Variants in CDKAL1 observed in about 807,000 individuals in gnomAD.
CDKAL1 encodes CDKAL1 threonylcarbamoyladenosine tRNA methylthiotransferase.
Under a neutral mutation model 68.2 loss-of-function variants are expected in CDKAL1, and 32 were observed. The observed-to-expected ratio is 0.47, with a 90% CI of 0.35 to 0.63. CDKAL1 has a LOEUF of 0.63. Among genes scored for constraint, CDKAL1 ranks in the 30% least tolerant of loss-of-function variants. The probability of loss-of-function intolerance (pLI) is 0.00; values close to 1 mark genes in which losing one functional copy is unlikely to be tolerated. For synonymous variants in CDKAL1, 234 were observed against 244.3 expected, an observed-to-expected ratio of 0.96 and a Z score of 0.39; for missense variants, 606 against 696.7, an observed-to-expected ratio of 0.87 and a Z score of 1.47.
intron 13 of CDKAL1, among the ~76,000 whole-genome samples, chr6:21,122,801 AG>A (rs1267733179): frequency 8.7e-6 from 1 of 114,342 alleles, no homozygotes; most frequent in African/African-American, 3.3e-5. Flanking sequence ...ATCCCCAGTT[AG>A]GTTTTTTTTT....
chr6:20,937,571 A>G (rs992042581), intron 9 of CDKAL1, among the ~76,000 whole-genome samples: 17 of 152,340 alleles, frequency 1.1e-4, no homozygotes, highest in Admixed American at 4.6e-4. Flanking sequence ...AAGTCTCCTC[A>G]GTCTCTTCAC....
At chr6:21,006,524 T>C (rs1767736489) in intron 11 of CDKAL1, among the ~76,000 whole-genome samples, 1 of 152,226 alleles carries the variant, frequency 6.6e-6, no homozygotes, top group Admixed American at 6.5e-5. Context: ...TTTTATCTTT[T>C]GCCAAATTTC....
chr6:20,738,838 T>C (rs1773316900), intron 5 of CDKAL1, among the ~76,000 whole-genome samples: 1 of 152,082 alleles, frequency 6.6e-6, no homozygotes, highest in African/African-American at 2.4e-5. Context: ...CACAACAGAG[T>C]GGGGATTTCA....
chr6:21,215,284 A>G (rs1429513512), intron 15 of CDKAL1, among the ~76,000 whole-genome samples: 1 of 152,216 alleles, frequency 6.6e-6, no homozygotes, highest in Non-Finnish European at 1.5e-5. Flanking sequence ...GCAAACAGAC[A>G]TGCACAAGTG....
chr6:20,827,240 A>G (rs1407883169), intron 8 of CDKAL1, among the ~76,000 whole-genome samples: 1 of 152,172 alleles, frequency 6.6e-6, no homozygotes, highest in Non-Finnish European at 1.5e-5. Flanking sequence ...AAATCACTTT[A>G]CCTTTCCATT....
At chr6:20,979,416 T>C (rs1236690483) in intron 10 of CDKAL1, among the ~76,000 whole-genome samples, 1 of 152,098 alleles carries the variant, frequency 6.6e-6, no homozygotes, top group Non-Finnish European at 1.5e-5. Flanking sequence ...GAAGTGATAA[T>C]TGAAGCATGG....
chr6:21,231,186 T>TC lies in CDKAL1; in HGVS notation c.*152dup, dbSNP rs1779961563. 1 of 540,994 alleles carries TC rather than the reference T, an allele frequency of 1.8e-6. No homozygotes were observed. The highest frequency in any genetic ancestry group is 3.3e-5 in the Admixed American group (1 of 30,204). 33.5% of individuals were successfully genotyped at this position (540,994 alleles called of 1,614,324 possible). On this transcript the variant is annotated 3_prime_UTR_variant, in exon 16 of 16. Coordinates refer to ENST00000274695, the MANE Select transcript of CDKAL1 (RefSeq NM_017774.3). ...TCTCAGCCACTCTTCTTAATGAGGCTCCCCCTGTCTCACATTGAGTTGGGC... is the reference window on the plus strand; with the variant it reads ...TCTCAGCCACTCTTCTTAATGAGGCTCCCCCCTGTCTCACATTGAGTTGGGC...
At position 20,753,957 on chromosome 6, in the gene CDKAL1, A is replaced by G. The variant is rs200300657; in HGVS notation, c.469-4638A>G. Among the ~76,000 whole-genome samples, 1,212 of 147,810 alleles carry G rather than the reference A, an allele frequency of 8.2e-3. 23 individuals are homozygous for G. Among genetic ancestry groups the G allele is most frequent in the East Asian group, 0.075 (372 of 4,938 alleles). On this transcript the variant is annotated intron_variant, in intron 6 of 15. Coordinates refer to ENST00000274695, the MANE Select transcript of CDKAL1 (RefSeq NM_017774.3). ...TTCACCAACACTCGTTATTATCTGT[A>G]TGTGTGTGTGTGTGTGTGTGTGTGT...
intron 8 of CDKAL1, among the ~76,000 whole-genome samples, chr6:20,795,486 T>A (rs1454108108): frequency 6.6e-6 from 1 of 152,164 alleles, no homozygotes; most frequent in Admixed American, 6.5e-5. Flanking sequence ...CTCAGATTAT[T>A]TTCTGCAGTG....
At chr6:20,931,570 C>T (rs566018029) in intron 9 of CDKAL1, among the ~76,000 whole-genome samples, 7 of 152,136 alleles carry the variant, frequency 4.6e-5, no homozygotes, top group Admixed American at 1.3e-4. Context: ...CATTTGTCTC[C>T]GTGGCATGTG....
chr6:21,073,478 C>G (rs1000913428), intron 12 of CDKAL1, among the ~76,000 whole-genome samples: 2 of 152,308 alleles, frequency 1.3e-5, no homozygotes, highest in African/African-American at 2.4e-5. Flanking sequence ...TCCTTTTGTT[C>G]CATATCCTTG....
intron 5 of CDKAL1, among the ~76,000 whole-genome samples, chr6:20,713,252 A>G (rs935151023): frequency 2.0e-5 from 3 of 152,240 alleles, no homozygotes; most frequent in Non-Finnish European, 2.9e-5. Context: ...TGAATTAATT[A>G]ATTTAGAAAA....
chr6:20,913,534 A>G (rs1018181520), intron 9 of CDKAL1, among the ~76,000 whole-genome samples: 1 of 152,178 alleles, frequency 6.6e-6, no homozygotes, highest in African/African-American at 2.4e-5. Context: ...TGTGGAAAAC[A>G]CACCCCACTT....
At chr6:21,146,837 C>T (rs989338397) in intron 13 of CDKAL1, among the ~76,000 whole-genome samples, 5 of 126,700 alleles carry the variant, frequency 3.9e-5, no homozygotes, top group East Asian at 2.1e-4. Context: ...GGCGACAGAG[C>T]GAGACTCCGT....
At chr6:20,677,359 C>T (rs1310530010) in intron 5 of CDKAL1, among the ~76,000 whole-genome samples, 2 of 152,020 alleles carry the variant, frequency 1.3e-5, no homozygotes, top group African/African-American at 2.4e-5. Flanking sequence ...CGTGAGCCAT[C>T]GTGCCTGGCT....
intron 13 of CDKAL1, among the ~76,000 whole-genome samples, chr6:21,146,617 G>A (rs62404507): frequency 3.3e-5 from 5 of 152,112 alleles, no homozygotes; most frequent in Admixed American, 1.3e-4. Context: ...TTCGGAGGCC[G>A]AGACGGGCGG....
intron 8 of CDKAL1, among the ~76,000 whole-genome samples, chr6:20,815,137 T>G (rs969447005): frequency 6.6e-6 from 1 of 152,220 alleles, no homozygotes; most frequent in African/African-American, 2.4e-5. Flanking sequence ...GTCACTTTAT[T>G]TTGGCCAGAA....
At chr6:20,637,060 G>GA (rs1226949854) in intron 4 of CDKAL1, among the ~76,000 whole-genome samples, 26 of 150,098 alleles carry the variant, frequency 1.7e-4, no homozygotes, top group African/African-American at 5.2e-4. Context: ...AAAGAAAAAA[G>GA]AAAAAAGAAA....
intron 11 of CDKAL1, among the ~76,000 whole-genome samples, chr6:21,022,757 G>A (rs1331498620): frequency 1.3e-5 from 2 of 152,134 alleles, no homozygotes; most frequent in Non-Finnish European, 2.9e-5. Context: ...TGGGTTTCTA[G>A]CCACAGGCCT....
Sources: gnomAD v4.1 joint callset for allele counts (sites outside exome capture counted in the v4.1 genomes callset) on GRCh38, gnomAD v4.1.1 for gene constraint, MANE v1.5 for transcripts, NCBI Gene and HGNC (gene_info 2026-07-23, HGNC 2026-07-21) for gene names.